INTS2: variants seen among roughly 807,000 people sequenced by gnomAD.
The protein encoded by INTS2 is KIAA1287.
A neutral mutation model predicts 139.6 loss-of-function variants in INTS2; 57 were observed. The ratio of observed to expected loss-of-function variants is 0.41; its 90% CI spans 0.33 to 0.51. The LOEUF (loss-of-function observed/expected upper bound fraction) is 0.51, where lower values mean the gene tolerates loss of function less well. INTS2 is among the 20% of genes least tolerant of loss of function. The probability of loss-of-function intolerance (pLI) is 0.28; values close to 1 mark genes in which losing one functional copy is unlikely to be tolerated. For synonymous variants in INTS2, 473 were observed against 493.4 expected (o/e 0.96, Z 0.55); for missense variants, 1,196 against 1,436.7 (o/e 0.83, Z 2.71).
At position 61,881,022 on chromosome 17, in the gene INTS2, TG is replaced by T; in HGVS notation, c.2238del (p.Lys747AsnfsTer12). 6.2e-7 allele frequency: 1 copy of T among 1,613,734 alleles called. No individual in the cohort carries two copies. Among genetic ancestry groups the T allele is most frequent in the Non-Finnish European group, 8.5e-7 (1 of 1,179,678 alleles). ...LLTNNAKNHS[P>X]KQLQEAFSAV... ...TTTACTATACCTTCTTGGAGTTGTT[TG>T]GGAGAATGATTTTTAGCATTATTAG... On this transcript the variant is annotated frameshift_variant, in exon 17 of 25. Coordinates refer to ENST00000251334, the MANE Select transcript of INTS2 (RefSeq NM_001351695.2). LOFTEE classifies it high-confidence loss of function.
At chr17:61,878,942 A>AAAAAAAAAAAC (rs2079151007) in intron 17 of INTS2, among the ~76,000 whole-genome samples, 1 of 150,416 alleles carries the variant, frequency 6.6e-6, no homozygotes, top group African/African-American at 2.4e-5. Context: ...AAAAAAAAAA[A>AAAAAAAAAAAC]AAAAAAAAAA....
chr17:61,878,951 A>AC (rs1483681087), intron 17 of INTS2, among the ~76,000 whole-genome samples: 2 of 150,594 alleles, frequency 1.3e-5, no homozygotes, highest in Admixed American at 6.6e-5. Context: ...AAAAAAAAAA[A>AC]AAACACTTTA....
intron 8 of INTS2, among the ~76,000 whole-genome samples, chr17:61,905,534 A>G (rs1472736312): frequency 1.3e-5 from 2 of 152,024 alleles, no homozygotes; most frequent in African/African-American, 4.8e-5. Context: ...ACCATCTTGA[A>G]TAGGTTGTCC....
At chr17:61,874,719 T>C (rs761319886) in intron 19 of INTS2, among the ~76,000 whole-genome samples, 194 bp downstream of exon 19, 4 of 152,126 alleles carry the variant, frequency 2.6e-5, no homozygotes, top group Non-Finnish European at 5.9e-5. Context: ...ATTAATCACA[T>C]ACTAAATATT....
intron 8 of INTS2, among the ~76,000 whole-genome samples, chr17:61,905,723 G>C (rs2079455846): frequency 6.6e-6 from 1 of 151,938 alleles, no homozygotes. Flanking sequence ...TAGAGATGGA[G>C]TTTCACTCTT....
intron 12 of INTS2, among the ~76,000 whole-genome samples, chr17:61,894,474 G>A (rs772197502): frequency 2.0e-5 from 3 of 152,178 alleles, no homozygotes; most frequent in Non-Finnish European, 4.4e-5. Context: ...GTGACTACTT[G>A]TAATTCAGGA....
chr17:61,878,090 T>TA lies in INTS2; in HGVS notation c.2255-3dup. On this transcript the variant is annotated splice_polypyrimidine_tract_variant and splice_region_variant and intron_variant, in intron 17 of 24. Coordinates refer to ENST00000251334, the MANE Select transcript of INTS2 (RefSeq NM_001351695.2). ...TATTTACTGGGACAGCTGAAAATGC[T>TA]AAAAAGAAAATTTAGCAATCATAAC... 1 of 1,596,852 alleles carries TA rather than the reference T, an allele frequency of 6.3e-7. No individual in the cohort carries two copies. Among genetic ancestry groups the TA allele is most frequent in the Non-Finnish European group, 8.6e-7 (1 of 1,164,436 alleles).
intron 15 of INTS2, 184 bp from the exon 16 acceptor site, chr17:61,885,189 A>G: frequency 1.8e-6 from 1 of 568,808 alleles, no homozygotes; most frequent in Non-Finnish European, 3.1e-6. Context: ...GAACAAGAAC[A>G]TACCTGGAGC....
At chr17:61,900,924 C>T (rs1306018259) in intron 9 of INTS2, among the ~76,000 whole-genome samples, 2 of 152,082 alleles carry the variant, frequency 1.3e-5, no homozygotes, top group Non-Finnish European at 2.9e-5. Context: ...CACCATTGCA[C>T]CATGGGCAAC....
chr17:61,892,309 T>C (rs1471990517), intron 13 of INTS2, among the ~76,000 whole-genome samples: 1 of 152,280 alleles, frequency 6.6e-6, no homozygotes. Context: ...CACTGTTCTT[T>C]GTAAATATCT....
intron 17 of INTS2, among the ~76,000 whole-genome samples, chr17:61,878,456 T>C (rs775462752): frequency 2.6e-5 from 4 of 151,684 alleles, no homozygotes; most frequent in African/African-American, 7.3e-5. Flanking sequence ...CCCAGCTACT[T>C]AGGAGACTGA....
chr17:61,869,776 G>A lies in INTS2; in HGVS notation c.2991C>T (p.Tyr997=). The A allele has an allele frequency of 6.2e-7, 1 of 1,613,858 alleles. No individual in the cohort carries two copies. Among genetic ancestry groups the A allele is most frequent in the Non-Finnish European group, 8.5e-7 (1 of 1,179,768 alleles). Residue 997 remains tyrosine (Y), a synonymous_variant, in exon 21 of 25, where the codon TAC becomes TAT. Transcript: ENST00000251334. This position sits in a 1 kb window ranked among gnomAD's most constrained non-coding sequence, Gnocchi z 5.4. The stretch of plus-strand genomic sequence containing the variant: ...GCTTAGCAATGTTGGGATCTGCAAT[G>A]TACATTTGGTGCAAGAGACAACAGA... ...CLICCLLHQM[Y]IADPNIAKLV...
In INTS2 at chr17:61,877,877, C is replaced by T; in HGVS notation, c.2456+10G>A. ...ATTATCTATTACATGTAACAATACA[C>T]TGAATTTACCTTCTAGGCATCACAG... On this transcript the variant is annotated intron_variant, in intron 18 of 24. Coordinates refer to ENST00000251334, the MANE Select transcript of INTS2 (RefSeq NM_001351695.2). 4 of 1,593,160 alleles carry T rather than the reference C, an allele frequency of 2.5e-6. No homozygotes were observed. The highest frequency in any genetic ancestry group is 2.2e-5 in the East Asian group (1 of 44,766).
At position 61,873,340 on chromosome 17, in the gene INTS2, A is replaced by G. The variant is rs980295186; in HGVS notation, c.2583-880T>C. Among the ~76,000 whole-genome samples the G allele has an allele frequency of 6.6e-6, 1 of 152,196 alleles. No homozygotes were observed. Among genetic ancestry groups the G allele is most frequent in the African/African-American group, 2.4e-5 (1 of 41,446 alleles). On this transcript the variant is annotated intron_variant, in intron 19 of 24. Transcript: ENST00000251334. The surrounding 1 kb of genome is among the most constrained non-coding windows in gnomAD (Gnocchi z 4.0). ...GGAGTTCAAGACCAGCCTGGACAAC[A>G]TAGCAAGACCCCCAACTCAAAAAAT...
intron 15 of INTS2, among the ~76,000 whole-genome samples, chr17:61,886,248 G>A (rs1222498226): frequency 6.6e-6 from 1 of 151,898 alleles, no homozygotes; most frequent in African/African-American, 2.4e-5. Context: ...ACGGGGTTTC[G>A]CCATATTGGC....
chr17:61,868,113 T>G lies in INTS2; in HGVS notation c.3245-104A>C. On this transcript the variant is annotated intron_variant, in intron 23 of 24. Coordinates refer to ENST00000251334, the MANE Select transcript of INTS2 (RefSeq NM_001351695.2). The surrounding 1 kb of genome is among the most constrained non-coding windows in gnomAD (Gnocchi z 4.7). ...TATGCTCTGTGCTGGAGATATGAAG[T>G]TCTCTAAACACAGCCAACCCGTCTT... The G allele has an allele frequency of 4.5e-5, 37 of 822,830 alleles. No homozygotes were observed. The highest frequency in any genetic ancestry group is 6.0e-5 in the Non-Finnish European group (34 of 563,562). 51.0% of individuals were successfully genotyped at this position (822,830 alleles called of 1,614,324 possible). A position where few individuals can be genotyped will look rare whatever the true frequency, so the allele number is the denominator to read the frequency against.
Position 61,893,859 on chromosome 17 carries a change from T to G in INTS2, c.1604A>C (p.Asn535Thr), listed in dbSNP as rs1261630396. 5 of 1,581,396 alleles carry G rather than the reference T, an allele frequency of 3.2e-6. No homozygotes were observed. The highest frequency in any genetic ancestry group is 1.7e-4 in the Middle Eastern group (1 of 6,010). Residue 535 changes from asparagine to threonine, a missense_variant, in exon 13 of 25, where the codon AAC becomes ACC. Transcript: ENST00000251334. This position sits in a 1 kb window ranked among gnomAD's most constrained non-coding sequence, Gnocchi z 5.4. Reference sequence around the variant, plus strand: ...AAATCCAGTAATGTTGGCACTCAGGTTGCTGGTGACAGGGACCCGAACTGC... The same window carrying G: ...AAATCCAGTAATGTTGGCACTCAGGGTGCTGGTGACAGGGACCCGAACTGC... ...AHAVRVPVTSNLSANITGFLP... is the reference protein window; with the variant it reads ...AHAVRVPVTSTLSANITGFLP...
In INTS2 at chr17:61,907,505, T is replaced by C; in HGVS notation, c.1084A>G (p.Asn362Asp). The change falls in exon 8 of 25, where the codon AAT (asparagine) becomes GAT (aspartate). Residue 362 changes from asparagine to aspartate, a missense_variant. Around this residue, in one of 3 missense-constraint regions of INTS2, gnomAD observed 1,129 missense variants for 1,341.9 expected, o/e 0.84. Transcript: ENST00000251334. ...TTCAGCCCCGAATACACAGACACATTGGGCTCCATATCCACATCAGCTTCT... is the reference window on the plus strand; with the variant it reads ...TTCAGCCCCGAATACACAGACACATCGGGCTCCATATCCACATCAGCTTCT... ...VEEADVDMEP[N>D]VSVYSGLKEE... 1 of 1,602,192 alleles carries C rather than the reference T, an allele frequency of 6.2e-7. No individual in the cohort carries two copies. Among genetic ancestry groups the C allele is most frequent in the Non-Finnish European group, 8.5e-7 (1 of 1,174,474 alleles).
chr17:61,904,392 C>T (rs2079439451), intron 9 of INTS2, 68 bp downstream of exon 9: 1 of 1,101,278 alleles, frequency 9.1e-7, no homozygotes, highest in Non-Finnish European at 1.3e-6. Context: ...TTATCTAATG[C>T]TATACAATTT....
Sources: gnomAD v4.1 joint callset for allele counts (sites outside exome capture counted in the v4.1 genomes callset) on GRCh38, gnomAD v4.1.1 for gene constraint, gnomAD v4.1.1 regional missense constraint, Gnocchi (gnomAD v3.1) non-coding constraint, MANE v1.5 for transcripts, NCBI Gene and HGNC (gene_info 2026-07-23, HGNC 2026-07-21) for gene names.